TOP1: variants seen among roughly 807,000 people sequenced by gnomAD.
TOP1 encodes the protein DNA topoisomerase I.
A neutral mutation model predicts 111.1 loss-of-function variants in TOP1; 10 were observed. That is an observed-to-expected ratio of 0.09 (90% confidence interval 0.06 to 0.15). The LOEUF is 0.15. TOP1 is among the 10% of genes least tolerant of loss of function. TOP1 has a pLI of 1.00. For synonymous variants in TOP1, 271 were observed against 302.9 expected, an observed-to-expected ratio of 0.89 and a Z score of 1.10; for missense variants, 474 against 926.7, an observed-to-expected ratio of 0.51 and a Z score of 6.34.
chr20:41,052,528 T>A (rs2033418209), intron 2 of TOP1, among the ~76,000 whole-genome samples: 1 of 152,208 alleles, frequency 6.6e-6, no homozygotes, highest in Non-Finnish European at 1.5e-5. Flanking sequence ...CATTGTCATT[T>A]TGGGTTTAGG....
At chr20:41,087,808 T>C (rs1024779348) in intron 8 of TOP1, among the ~76,000 whole-genome samples, 1 of 152,280 alleles carries the variant, frequency 6.6e-6, no homozygotes, top group Non-Finnish European at 1.5e-5. Context: ...CCTGTCTTTA[T>C]ATTTCTAGCA....
In TOP1 at chr20:41,058,008, G is replaced by C. The variant is rs2033495228; in HGVS notation, c.59-3386G>C. ...TAGCATTTTAAAATTATAGACTCGA[G>C]GTTTTTAGAAGAAGCTGAAGGGTTC... On this transcript the variant is annotated intron_variant, in intron 2 of 20. Coordinates refer to ENST00000361337, the MANE Select transcript of TOP1 (RefSeq NM_003286.4). This position sits in a 1 kb window ranked among gnomAD's most constrained non-coding sequence, Gnocchi z 4.2. Among the ~76,000 whole-genome samples, 1 of 152,162 alleles carries C rather than the reference G, an allele frequency of 6.6e-6. No individual in the cohort carries two copies. Among genetic ancestry groups the C allele is most frequent in the African/African-American group, 2.4e-5 (1 of 41,410 alleles).
chr20:41,054,660 C>T (rs997671008), intron 2 of TOP1, among the ~76,000 whole-genome samples: 9 of 152,214 alleles, frequency 5.9e-5, no homozygotes. Context: ...CTTGGGCAGC[C>T]AGCTACTTGA....
At chr20:41,056,657 G>T (rs2033475482) in intron 2 of TOP1, among the ~76,000 whole-genome samples, 2 of 152,074 alleles carry the variant, frequency 1.3e-5, no homozygotes, top group Admixed American at 1.3e-4. Flanking sequence ...TTTTTAAACA[G>T]TTTTCGTAGA....
At position 41,080,837 on chromosome 20, in the gene TOP1, T is replaced by A. The variant is rs1475495390; in HGVS notation, c.432-328T>A. ...TGTGTGTTTGGTTCCCAAACTTTCA[T>A]CTTTTATTTTTATTTATTTTATTTT... On this transcript the variant is annotated intron_variant, in intron 6 of 20. Coordinates refer to ENST00000361337, the MANE Select transcript of TOP1 (RefSeq NM_003286.4). The surrounding 1 kb of genome is among the most constrained non-coding windows in gnomAD (Gnocchi z 5.0). 6.6e-6 allele frequency among the ~76,000 whole-genome samples: 1 copy of A among 152,160 alleles called. No individual in the cohort carries two copies. Among genetic ancestry groups the A allele is most frequent in the Non-Finnish European group, 1.5e-5 (1 of 68,030 alleles).
chr20:41,098,095 G>A lies in TOP1; in HGVS notation c.853-120G>A. 1.0e-6 allele frequency: 1 copy of A among 981,620 alleles called. No individual in the cohort carries two copies. The highest frequency in any genetic ancestry group is 2.5e-5 in the East Asian group (1 of 40,642). 60.8% of individuals were successfully genotyped at this position (981,620 alleles called of 1,614,324 possible). On this transcript the variant is annotated intron_variant, in intron 10 of 20. Transcript: ENST00000361337. The surrounding 1 kb of genome is among the most constrained non-coding windows in gnomAD (Gnocchi z 5.7). ...TTTCAAAATTCATTAATTGAGATTG[G>A]CTACTTCCAGAAACCTTTGACTGAA...
chr20:41,117,163 G>T (rs2034342998), intron 17 of TOP1, among the ~76,000 whole-genome samples: 1 of 152,020 alleles, frequency 6.6e-6, no homozygotes, highest in African/African-American at 2.4e-5. Context: ...ACCAGCCTGG[G>T]CAATGTAGTG....
rs991095075 is a variant in TOP1, at chr20:41,106,879, T to G, written c.1308+5526T>G. Among the ~76,000 whole-genome samples, 3 of 152,164 alleles carry G rather than the reference T, an allele frequency of 2.0e-5. No individual in the cohort carries two copies. Among genetic ancestry groups the G allele is most frequent in the African/African-American group, 7.2e-5 (3 of 41,452 alleles). On this transcript the variant is annotated intron_variant, in intron 13 of 20. Transcript: ENST00000361337. The surrounding 1 kb of genome is among the most constrained non-coding windows in gnomAD (Gnocchi z 4.3). ...AGTTCTTCATTTTCAGTTCATATAT[T>G]TCATATTTCTTTAAGTTTTAATTTT...
chr20:41,123,317 T>C lies in TOP1; in HGVS notation c.*20T>C. On this transcript the variant is annotated 3_prime_UTR_variant, in exon 21 of 21. Coordinates refer to ENST00000361337, the MANE Select transcript of TOP1 (RefSeq NM_003286.4). This position sits in a 1 kb window ranked among gnomAD's most constrained non-coding sequence, Gnocchi z 5.8. ...TTTTAGCCAGTCTCAAGAGGCAGAGTTCTGTGAAGAGGAACAGTGTGGTTT... is the reference window on the plus strand; with the variant it reads ...TTTTAGCCAGTCTCAAGAGGCAGAGCTCTGTGAAGAGGAACAGTGTGGTTT... The C allele has an allele frequency of 1.3e-6, 2 of 1,566,240 alleles. No homozygotes were observed. The highest frequency in any genetic ancestry group is 1.8e-6 in the Non-Finnish European group (2 of 1,136,692).
intron 8 of TOP1, among the ~76,000 whole-genome samples, chr20:41,087,803 CTT>C (rs1459566254): frequency 2.6e-5 from 4 of 152,188 alleles, no homozygotes; most frequent in Non-Finnish European, 5.9e-5. Flanking sequence ...ACTTTCCTGT[CTT>C]TATATTTCTA....
At chr20:41,117,380 ATTTTTTTTTTTT>A (rs1192075214) in intron 17 of TOP1, among the ~76,000 whole-genome samples, 3 of 85,530 alleles carry the variant, frequency 3.5e-5, no homozygotes, top group Non-Finnish European at 6.3e-5. Flanking sequence ...CTGTGGCTTA[ATTTTTTTTTTTT>A]TTTTTTTTTT....
At position 41,080,506 on chromosome 20, in the gene TOP1, ATAACT is replaced by A. The variant is rs2033776764; in HGVS notation, c.431+330_431+334del. On this transcript the variant is annotated intron_variant, in intron 6 of 20. Transcript: ENST00000361337. This position sits in a 1 kb window ranked among gnomAD's most constrained non-coding sequence, Gnocchi z 5.0. ...TAAAATTTCTTATTGCCTACCACAGATAACTTAAAGCAGTTTCTCTTAGACCTATT... is the reference window on the plus strand; with the variant it reads ...TAAAATTTCTTATTGCCTACCACAGATAAAGCAGTTTCTCTTAGACCTATT... 1.3e-5 allele frequency among the ~76,000 whole-genome samples: 2 copies of A among 152,346 alleles called. No individual in the cohort carries two copies. The highest frequency in any genetic ancestry group is 2.9e-5 in the Non-Finnish European group (2 of 68,018).
chr20:41,112,650 A>G lies in TOP1; in HGVS notation c.1309-132A>G, dbSNP rs948862701. On this transcript the variant is annotated intron_variant, in intron 13 of 20. Coordinates refer to ENST00000361337, the MANE Select transcript of TOP1 (RefSeq NM_003286.4). This position sits in a 1 kb window ranked among gnomAD's most constrained non-coding sequence, Gnocchi z 5.8. ...CAACCTCTGCCTCCTGCGTTCAAGC[A>G]ATTCTTGTGTCTTAGCCTCCCTATT... 2.4e-4 allele frequency: 225 copies of G among 952,422 alleles called. 1 individual carries two copies. Among genetic ancestry groups the G allele is most frequent in the Non-Finnish European group, 3.3e-4 (209 of 641,292 alleles). The allele number at this position is 952,422 out of a possible 1,614,324, so 59.0% of individuals were successfully genotyped here.
In TOP1 at chr20:41,080,985, C is replaced by T. The variant is rs771808854; in HGVS notation, c.432-180C>T. 6.6e-6 allele frequency among the ~76,000 whole-genome samples: 1 copy of T among 151,992 alleles called. No homozygotes were observed. The highest frequency in any genetic ancestry group is 1.5e-5 in the Non-Finnish European group (1 of 68,002). On this transcript the variant is annotated intron_variant, in intron 6 of 20. Coordinates refer to ENST00000361337, the MANE Select transcript of TOP1 (RefSeq NM_003286.4). The surrounding 1 kb of genome is among the most constrained non-coding windows in gnomAD (Gnocchi z 5.0). ...GTTCTATATAGGGCTATAACTATTA[C>T]TCTTTGGTCTGACCTTCATTATTTT...
intron 18 of TOP1, among the ~76,000 whole-genome samples, chr20:41,119,455 A>G (rs2145971588): frequency 6.6e-6 from 1 of 152,334 alleles, no homozygotes; most frequent in East Asian, 1.9e-4. Flanking sequence ...TCTGTATTAA[A>G]AATTTAAAAA....
intron 13 of TOP1, among the ~76,000 whole-genome samples, chr20:41,104,792 T>A (rs1306315100): frequency 1.3e-5 from 2 of 152,222 alleles, no homozygotes; most frequent in Non-Finnish European, 1.5e-5. Flanking sequence ...CTCAGTTCTC[T>A]TTTAGGCTGT....
chr20:41,035,553 A>G (rs2122586911), intron 2 of TOP1, among the ~76,000 whole-genome samples: 1 of 152,322 alleles, frequency 6.6e-6, no homozygotes, highest in South Asian at 2.1e-4. Flanking sequence ...AAAAGAATTT[A>G]ACAGATCCCT....
At chr20:41,057,729 A>G (rs573974260) in intron 2 of TOP1, among the ~76,000 whole-genome samples, 1 of 152,272 alleles carries the variant, frequency 6.6e-6, no homozygotes, top group East Asian at 1.9e-4. Context: ...AATTATACAC[A>G]GAGTAGTTTT....
chr20:41,073,261 T>C (rs2033687985), intron 3 of TOP1: 1 of 984,690 alleles, frequency 1.0e-6, no homozygotes. Context: ...TTCTAAGAAA[T>C]GCTTTCACTG....
Sources: gnomAD v4.1 joint callset for allele counts (sites outside exome capture counted in the v4.1 genomes callset) on GRCh38, gnomAD v4.1.1 for gene constraint, Gnocchi (gnomAD v3.1) non-coding constraint, MANE v1.5 for transcripts, NCBI Gene and HGNC (gene_info 2026-07-23, HGNC 2026-07-21) for gene names.